Variants in DPP4 observed in about 807,000 individuals in gnomAD.
The protein encoded by DPP4 is ADCP-2.
Under a neutral mutation model 122.4 loss-of-function variants are expected in DPP4, and 93 were observed. The observed-to-expected ratio is 0.76, with a 90% confidence interval of 0.64 to 0.90. The LOEUF (loss-of-function observed/expected upper bound fraction) is 0.90, where lower values mean the gene tolerates loss of function less well. Among genes scored for constraint, DPP4 ranks in the 40% least tolerant of loss-of-function variants. DPP4 has a pLI of 0.00. For synonymous variants in DPP4, 321 were observed against 302.9 expected (o/e 1.06, Z -0.62); for missense variants, 914 against 907.3 (o/e 1.01, Z -0.09).
chr2:162,043,174 G>A lies in DPP4; in HGVS notation c.366+2358C>T, dbSNP rs149028757. ...GCTTTAGGGTAGGCCACAGATATCC[G>A]TGTTTTTTCAAAAGCTCCTCAAGTG... On this transcript the variant is annotated intron_variant, in intron 5 of 25. Coordinates refer to ENST00000360534, the MANE Select transcript of DPP4 (RefSeq NM_001935.4). Among the ~76,000 whole-genome samples, 300 of 152,278 alleles carry A rather than the reference G, an allele frequency of 2.0e-3. 1 individual carries two copies. The highest frequency in any genetic ancestry group is 6.9e-3 in the African/African-American group (286 of 41,560).
chr2:161,993,346 T>G lies in DPP4; in HGVS notation c.2238A>C (p.Thr746=). The change falls in exon 26 of 26, where the codon ACA becomes ACC. Residue 746 remains threonine, a synonymous_variant. Coordinates refer to ENST00000360534, the MANE Select transcript of DPP4 (RefSeq NM_001935.4). ...TGTGGGTATATATATGTTGGTGTGCTGTGCTGCTAGCTATTCCATGGTCTT... is the reference window on the plus strand; with the variant it reads ...TGTGGGTATATATATGTTGGTGTGCGGTGCTGCTAGCTATTCCATGGTCTT... The part of the protein sequence containing the change: ...TDEDHGIASS[T]AHQHIYTHMS... The G allele has an allele frequency of 6.2e-7, 1 of 1,613,892 alleles. No homozygotes were observed. The highest frequency in any genetic ancestry group is 8.5e-7 in the Non-Finnish European group (1 of 1,179,858).
intron 20 of DPP4, among the ~76,000 whole-genome samples, chr2:162,009,513 TTG>T (rs57878632): frequency 0.044 from 6,300 of 144,084 alleles, 163 homozygotes; most frequent in African/African-American, 0.073. Flanking sequence ...TTCATAAAAA[TTG>T]TGTGTGTGTG....
rs200956560 is a variant in DPP4, at chr2:162,022,812, A to C, written c.1024-13T>G. On this transcript the variant is annotated splice_polypyrimidine_tract_variant and intron_variant, in intron 11 of 25. Coordinates refer to ENST00000360534, the MANE Select transcript of DPP4 (RefSeq NM_001935.4). The stretch of plus-strand genomic sequence containing the variant: ...TGTGTTGCCGTGCCTAGGAAGGGAA[A>C]GAGACAATGACAGCATTTCAAAGAG... 710 of 1,613,930 alleles carry C rather than the reference A, an allele frequency of 4.4e-4. 9 individuals are homozygous for C. The South Asian group carries it at 7.3e-3, about 17-fold the overall frequency.
intron 2 of DPP4, among the ~76,000 whole-genome samples, chr2:162,049,102 C>T (rs1030054508): frequency 6.6e-6 from 1 of 152,172 alleles, no homozygotes; most frequent in Non-Finnish European, 1.5e-5. Context: ...AAATCAGCCA[C>T]CGTTATAAAA....
At chr2:162,033,147 CA>C (rs1576052847) in intron 10 of DPP4, among the ~76,000 whole-genome samples, 2 of 152,330 alleles carry the variant, frequency 1.3e-5, no homozygotes, top group East Asian at 3.9e-4. Context: ...ATCACTGCCA[CA>C]GTTCATTTTA....
At chr2:162,058,645 C>T (rs1370466941) in intron 2 of DPP4, among the ~76,000 whole-genome samples, 1 of 152,152 alleles carries the variant, frequency 6.6e-6, no homozygotes, top group Non-Finnish European at 1.5e-5. Flanking sequence ...ACATCTAGAC[C>T]TGGAGTTGGC....
intron 5 of DPP4, among the ~76,000 whole-genome samples, chr2:162,041,378 C>A (rs1354494555): frequency 6.6e-6 from 1 of 152,008 alleles, no homozygotes; most frequent in Non-Finnish European, 1.5e-5. Context: ...TCAAGAAATA[C>A]AACAAATTAC....
intron 2 of DPP4, among the ~76,000 whole-genome samples, chr2:162,059,376 A>C (rs758265516): frequency 3.1e-4 from 47 of 152,344 alleles, no homozygotes; most frequent in Non-Finnish European, 6.5e-4. Flanking sequence ...ATTGACTGGC[A>C]TTAGGCCGTG....
intron 19 of DPP4, among the ~76,000 whole-genome samples, chr2:162,012,301 A>C (rs930548525): frequency 7.2e-5 from 11 of 152,048 alleles, no homozygotes; most frequent in African/African-American, 2.7e-4. Context: ...ATAGTTAAGA[A>C]GGGGGAGTTG....
chr2:162,065,815 A>T (rs937874679), intron 2 of DPP4, among the ~76,000 whole-genome samples: 1 of 152,198 alleles, frequency 6.6e-6, no homozygotes, highest in African/African-American at 2.4e-5. Flanking sequence ...CTAGAAGGGC[A>T]CTTAGCTCTT....
intron 21 of DPP4, 45 bp from the exon 22 acceptor site, chr2:162,008,706 G>C (rs747045710): frequency 5.2e-6 from 8 of 1,529,440 alleles, no homozygotes; most frequent in Non-Finnish European, 7.2e-6. Context: ...AAAGAATAAG[G>C]ACATATGGTA....
Position 162,073,428 on chromosome 2 carries a change from G to C in DPP4, c.65C>G (p.Thr22Ser), listed in dbSNP as rs775450106. 1 of 1,614,120 alleles carries C rather than the reference G, an allele frequency of 6.2e-7. No individual in the cohort carries two copies. Among genetic ancestry groups the C allele is most frequent in the Non-Finnish European group, 8.5e-7 (1 of 1,180,038 alleles). The change falls in exon 2 of 26, where the codon ACC becomes AGC. Residue 22 changes from threonine (T) to serine (S), a missense_variant. Thr to Ser is a moderately conservative substitution (Grantham distance 58, BLOSUM62 1). Coordinates refer to ENST00000360534, the MANE Select transcript of DPP4 (RefSeq NM_001935.4). ...LGAAALVTII[T>S]VPVVLLNKGT... The stretch of plus-strand genomic sequence containing the variant: ...TTTGTTCAGCAGAACCACGGGCACG[G>C]TGATGATGGTGACAAGCGCAGCAGC...
At chr2:162,008,423 G>T (rs1030429306) in intron 22 of DPP4, 139 bp downstream of exon 22, 5 of 664,066 alleles carry the variant, frequency 7.5e-6, no homozygotes, top group African/African-American at 3.6e-5. Context: ...TCTTATTATA[G>T]GTATCCAAAA....
chr2:162,018,533 G>A (rs985129028), intron 16 of DPP4, among the ~76,000 whole-genome samples, 196 bp downstream of exon 16: 6 of 152,120 alleles, frequency 3.9e-5, no homozygotes, highest in Admixed American at 1.3e-4. Context: ...GAGTGTGTTC[G>A]GTCTAAGGCA....
chr2:162,009,299 A>C lies in DPP4; in HGVS notation c.1833-4T>G, dbSNP rs1428113404. 2.0e-5 allele frequency: 32 copies of C among 1,613,528 alleles called. No individual in the cohort carries two copies. The highest frequency in any genetic ancestry group is 2.6e-5 in the Non-Finnish European group (31 of 1,179,676). ...AAATCCCATTTTTGAAAATTGTCTA[A>C]AACACAAGGAAAAAGTCCACAGATC... On this transcript the variant is annotated splice_polypyrimidine_tract_variant and splice_region_variant and intron_variant, in intron 20 of 25. Transcript: ENST00000360534.
chr2:162,054,950 T>C (rs569529237), intron 2 of DPP4, among the ~76,000 whole-genome samples: 75 of 152,326 alleles, frequency 4.9e-4, no homozygotes, highest in Non-Finnish European at 1.3e-4. Flanking sequence ...CCTGTAGATA[T>C]GTTACACTGC....
Position 161,993,164 on chromosome 2 carries a change from A to T in DPP4, c.*119T>A. 1 of 781,726 alleles carries T rather than the reference A, an allele frequency of 1.3e-6. No homozygotes were observed. The highest frequency in any genetic ancestry group is 2.1e-6 in the Non-Finnish European group (1 of 474,392). 48.4% of individuals were successfully genotyped at this position (781,726 alleles called of 1,614,324 possible). A position where few individuals can be genotyped will look rare whatever the true frequency, so the allele number is the denominator to read the frequency against. On this transcript the variant is annotated 3_prime_UTR_variant, in exon 26 of 26. Coordinates refer to ENST00000360534, the MANE Select transcript of DPP4 (RefSeq NM_001935.4). ...GAAATTTGGGAACAAAGGTAACCTT[A>T]AGTTTCTTGATTTGAGTGTGTATTT...
chr2:162,020,600 T>C lies in DPP4; in HGVS notation c.1157A>G (p.Tyr386Cys), dbSNP rs760210364. 5.0e-6 allele frequency: 8 copies of C among 1,608,402 alleles called. No homozygotes were observed. The South Asian group carries it at 7.9e-5, about 16-fold the overall frequency. The change falls in exon 13 of 26, where the codon TAT becomes TGT. Residue 386 changes from tyrosine (Y) to cysteine (C), a missense_variant. Transcript: ENST00000360534. ...ACTCACTTTTTTATCTATTTGGAAA[T>C]AGCAAATGTGTCTGTAACCTTCTTC... ...SNEEGYRHICYFQIDKKDCTF... is the reference protein window; with the variant it reads ...SNEEGYRHICCFQIDKKDCTF...
At chr2:162,037,294 A>G (rs1022301886) in intron 8 of DPP4, among the ~76,000 whole-genome samples, 58 of 152,330 alleles carry the variant, frequency 3.8e-4, no homozygotes, top group African/African-American at 1.4e-3. Flanking sequence ...CTTTGGAAAG[A>G]GGCCACTCTT....
Sources: allele counts gnomAD v4.1 joint callset (sites outside exome capture counted in the v4.1 genomes callset), GRCh38; gene constraint gnomAD v4.1.1; transcripts MANE v1.5; gene names NCBI Gene and HGNC (gene_info 2026-07-23, HGNC 2026-07-21).